Variants in API5 observed in about 807,000 individuals in gnomAD.
API5 encodes the protein FIF.
A neutral mutation model predicts 71.9 loss-of-function variants in API5; 6 were observed. The observed-to-expected ratio is 0.08, with a 90% CI of 0.05 to 0.16. The LOEUF is 0.16. Ranked by LOEUF, API5 falls within the 10% of genes least tolerant of loss-of-function variation. The pLI is 1.00. For synonymous variants in API5, 189 were observed against 221.3 expected (o/e 0.85, Z 1.30); for missense variants, 332 against 612.8 (o/e 0.54, Z 4.84).
In API5 at chr11:43,342,525, T is replaced by G; in HGVS notation, c.*15T>G. The G allele has an allele frequency of 6.2e-7, 1 of 1,612,806 alleles. No homozygotes were observed. The highest frequency in any genetic ancestry group is 8.5e-7 in the Non-Finnish European group (1 of 1,178,858). ...GACTCTACTGAATAAGACATCAGCA[T>G]TCTTCAGCATTGTCATGAGCTTAAT... On this transcript the variant is annotated 3_prime_UTR_variant, in exon 14 of 14. Coordinates refer to ENST00000531273, the MANE Select transcript of API5 (RefSeq NM_001142930.2).
intron 3 of API5, 57 bp from the exon 4 acceptor site, chr11:43,321,354 A>G (rs965047237): frequency 1.4e-6 from 2 of 1,389,626 alleles, no homozygotes; most frequent in African/African-American, 1.4e-5. Context: ...TTGAAACTGA[A>G]GCAGATGATA....
At position 43,324,629 on chromosome 11, in the gene API5, G is replaced by A. The variant is rs143845456; in HGVS notation, c.750+993G>A. Among the ~76,000 whole-genome samples the A allele has an allele frequency of 9.3e-4, 142 of 152,082 alleles. 1 individual carries two copies. In the Middle Eastern group the frequency reaches 0.014, roughly 15 times the overall value. On this transcript the variant is annotated intron_variant, in intron 6 of 13. Coordinates refer to ENST00000531273, the MANE Select transcript of API5 (RefSeq NM_001142930.2). ...AATAGAATTATCCCTTTTGAGAAAT[G>A]TGCAGTCTGAAAATCCAACACTAAA...
At chr11:43,317,992 T>TGTTG (rs1392445485) in intron 1 of API5, among the ~76,000 whole-genome samples, 1 of 147,758 alleles carries the variant, frequency 6.8e-6, no homozygotes, top group Non-Finnish European at 1.5e-5. Context: ...ACAATTGTTT[T>TGTTG]GTTTGTTTGT....
chr11:43,339,664 C>T (rs1007506888), intron 13 of API5, among the ~76,000 whole-genome samples: 4 of 152,056 alleles, frequency 2.6e-5, no homozygotes, highest in Non-Finnish European at 5.9e-5. Context: ...CACATAGCAC[C>T]TATTTGGCAG....
At chr11:43,332,396 A>G (rs1295947780) in intron 11 of API5, among the ~76,000 whole-genome samples, 1 of 152,108 alleles carries the variant, frequency 6.6e-6, no homozygotes, top group Non-Finnish European at 1.5e-5. Context: ...TGTTTTACCC[A>G]TGCTTCTGAT....
chr11:43,334,050 A>G (rs1015416421), intron 11 of API5, among the ~76,000 whole-genome samples: 1 of 152,204 alleles, frequency 6.6e-6, no homozygotes, highest in African/African-American at 2.4e-5. Context: ...TGCAGGAACC[A>G]TGGGCACAGT....
At chr11:43,323,690 A>C (rs538534179) in intron 6 of API5, 54 bp downstream of exon 6, 1 of 1,533,790 alleles carries the variant, frequency 6.5e-7, no homozygotes, top group African/African-American at 1.4e-5. Flanking sequence ...ATTTCCATAA[A>C]TACTCACTTT....
intron 3 of API5, 128 bp from the exon 4 acceptor site, chr11:43,321,283 G>C: frequency 1.3e-6 from 1 of 782,042 alleles, no homozygotes; most frequent in Non-Finnish European, 2.1e-6. Context: ...GTACTTGAGG[G>C]AATGGCTTAA....
At chr11:43,314,050 C>G (rs1311948552) in intron 1 of API5, among the ~76,000 whole-genome samples, 1 of 151,610 alleles carries the variant, frequency 6.6e-6, no homozygotes, top group Non-Finnish European at 1.5e-5. Flanking sequence ...TATCGGGCCA[C>G]TGCACTCCAG....
intron 13 of API5, among the ~76,000 whole-genome samples, chr11:43,341,955 C>T (rs535685631): frequency 2.0e-5 from 3 of 152,048 alleles, no homozygotes; most frequent in South Asian, 4.2e-4. Flanking sequence ...TTGAGATCAG[C>T]CTGGCAACAA....
intron 9 of API5, 91 bp from the exon 10 acceptor site, chr11:43,329,874 C>A: frequency 2.0e-6 from 2 of 1,003,686 alleles, no homozygotes; most frequent in Non-Finnish European, 3.1e-6. Flanking sequence ...ACCATTTCTG[C>A]ACTTAGGATC....
At chr11:43,313,672 T>C (rs1002815823) in intron 1 of API5, among the ~76,000 whole-genome samples, 1 of 152,234 alleles carries the variant, frequency 6.6e-6, no homozygotes, top group Non-Finnish European at 1.5e-5. Context: ...TGATTTTTTT[T>C]CCTTCATTCC....
chr11:43,312,294 T>C, intron 1 of API5, 98 bp downstream of exon 1: 1 of 1,350,372 alleles, frequency 7.4e-7, no homozygotes, highest in Non-Finnish European at 1.0e-6. Flanking sequence ...GGGCTGCGGC[T>C]TCATCCTCCC....
In API5 at chr11:43,312,022, C is replaced by G; in HGVS notation, c.-106C>G. ...TGACTGGCGGCTGCACTGGCGGCAG[C>G]TGGAGGTGTAATAGTGCGGGTAGTG... On this transcript the variant is annotated 5_prime_UTR_variant, in exon 1 of 14. Transcript: ENST00000531273. The G allele has an allele frequency of 2.4e-6, 3 of 1,271,900 alleles. No homozygotes were observed. The highest frequency in any genetic ancestry group is 2.5e-5 in the East Asian group (1 of 39,866). 78.8% of individuals were successfully genotyped at this position (1,271,900 alleles called of 1,614,324 possible). A position where few individuals can be genotyped will look rare whatever the true frequency, so the allele number is the denominator to read the frequency against.
chr11:43,329,084 G>A (rs1855165776), intron 9 of API5, 191 bp downstream of exon 9: 1 of 593,610 alleles, frequency 1.7e-6, no homozygotes, highest in African/African-American at 1.9e-5. Context: ...GCTCACGTCT[G>A]TAATCCCAGC....
Position 43,342,283 on chromosome 11 carries a change from T to C in API5, c.1493-145T>C, listed in dbSNP as rs532497295. 316 of 667,558 alleles carry C rather than the reference T, an allele frequency of 4.7e-4. 1 individual carries two copies. The highest frequency in any genetic ancestry group is 6.9e-4 in the Non-Finnish European group (273 of 398,138). The allele number at this position is 667,558 out of a possible 1,614,324, so 41.4% of individuals were successfully genotyped here. On this transcript the variant is annotated intron_variant, in intron 13 of 13. Coordinates refer to ENST00000531273, the MANE Select transcript of API5 (RefSeq NM_001142930.2). ...TGTTGTTCTTGTTTTATGTACAGGC[T>C]AAATTTGTAGATTGAATAGCAGAAT... is the stretch of plus-strand genomic sequence containing the variant.
rs533964587 is a variant in API5 at position 43,312,016 on chromosome 11, C to G, written c.-112C>G. The G allele has an allele frequency of 4.1e-6, 5 of 1,209,610 alleles. No homozygotes were observed. In the South Asian group the frequency reaches 5.5e-5, roughly 13 times the overall value. 74.9% of individuals were successfully genotyped at this position (1,209,610 alleles called of 1,614,324 possible). On this transcript the variant is annotated 5_prime_UTR_variant, in exon 1 of 14. Transcript: ENST00000531273. ...GCGCGGTGACTGGCGGCTGCACTGG[C>G]GGCAGCTGGAGGTGTAATAGTGCGG...
At position 43,323,447 on chromosome 11, in the gene API5, T is replaced by C; in HGVS notation, c.561T>C (p.Thr187=). The C allele has an allele frequency of 1.2e-6, 2 of 1,614,046 alleles. No individual in the cohort carries two copies. The part of the protein sequence containing the change: ...TESKKVLEDV[T]GEEFVLFMKI... The stretch of plus-strand genomic sequence containing the variant: ...TTTTCCAGGTCCTAGAAGATGTGAC[T>C]GGTGAAGAATTTGTTCTATTTATGA... The change falls in exon 6 of 14, where the codon ACT becomes ACC. Residue 187 remains threonine, a synonymous_variant. Coordinates refer to ENST00000531273, the MANE Select transcript of API5 (RefSeq NM_001142930.2).
chr11:43,340,763 G>A (rs968982792), intron 13 of API5, among the ~76,000 whole-genome samples: 1 of 151,520 alleles, frequency 6.6e-6, no homozygotes, highest in African/African-American at 2.4e-5. Context: ...AACTAGATCC[G>A]CACCTCCCAC....
Sources: allele counts gnomAD v4.1 joint callset (sites outside exome capture counted in the v4.1 genomes callset), GRCh38; gene constraint gnomAD v4.1.1; transcripts MANE v1.5; gene names NCBI Gene and HGNC (gene_info 2026-07-23, HGNC 2026-07-21).